Variants in ADK observed in about 807,000 individuals in gnomAD.
ADK encodes the protein adenosine kinase.
In ADK, 24 loss-of-function variants were observed where a neutral mutation model predicts 44.7. The observed-to-expected ratio is 0.54, with a 90% CI of 0.39 to 0.76. The LOEUF (loss-of-function observed/expected upper bound fraction) is 0.76. ADK is among the 30% of genes least tolerant of loss of function. The pLI is 0.00. For missense variants in ADK, 321 were observed against 425.1 expected (o/e 0.76, Z 2.15); for synonymous variants, 128 against 142.6 (o/e 0.90, Z 0.73).
chr10:74,546,553 G>A (rs1849824461), intron 7 of ADK, among the ~76,000 whole-genome samples: 1 of 152,082 alleles, frequency 6.6e-6, no homozygotes, highest in South Asian at 2.1e-4. Context: ...GGTAATGTGA[G>A]TACAGGAAAT....
intron 4 of ADK, among the ~76,000 whole-genome samples, chr10:74,324,670 T>C (rs1840947033): frequency 6.6e-6 from 1 of 152,184 alleles, no homozygotes; most frequent in Non-Finnish European, 1.5e-5. Flanking sequence ...TGATAAACTC[T>C]TAGGTTGATT....
At chr10:74,362,414 A>G (rs566247384) in intron 4 of ADK, among the ~76,000 whole-genome samples, 3 of 151,090 alleles carry the variant, frequency 2.0e-5, no homozygotes, top group Admixed American at 1.3e-4. Context: ...TAAAAAAGTT[A>G]TTTGAGTCTC....
At chr10:74,702,524 T>TTTCTTTCCTTCCTTCC (rs1554900285) in intron 10 of ADK, among the ~76,000 whole-genome samples, 2 of 120,818 alleles carry the variant, frequency 1.7e-5, no homozygotes, top group Non-Finnish European at 3.5e-5. Flanking sequence ...TCCTTCCTTC[T>TTTCTTTCCTTCCTTCC]TTCCTTCCTT....
At chr10:74,683,239 A>G (rs1009429020) in intron 10 of ADK, among the ~76,000 whole-genome samples, 2 of 152,188 alleles carry the variant, frequency 1.3e-5, no homozygotes, top group African/African-American at 4.8e-5. Flanking sequence ...AGGGGTTATG[A>G]GTCCTTGTTT....
intron 6 of ADK, among the ~76,000 whole-genome samples, chr10:74,408,248 C>A (rs1398697798): frequency 6.6e-6 from 1 of 151,820 alleles, no homozygotes; most frequent in Non-Finnish European, 1.5e-5. Context: ...CCGCCTTGGA[C>A]TCCCAATGTG....
chr10:74,618,587 C>A (rs1852864258), intron 9 of ADK, among the ~76,000 whole-genome samples: 1 of 152,178 alleles, frequency 6.6e-6, no homozygotes, highest in African/African-American at 2.4e-5. Flanking sequence ...TCGTGCCCAG[C>A]CTGAATTCTC....
intron 8 of ADK, among the ~76,000 whole-genome samples, chr10:74,595,722 T>C (rs1366815320): frequency 0.13 from 7 of 52 alleles, 1 homozygote; most frequent in South Asian, 0.25. Flanking sequence ...TGGCCGGGTG[T>C]GGTGGCTCCC....
rs540729050 is a variant in ADK at position 74,520,299 on chromosome 10, T to C, written c.556-4957T>C. Among the ~76,000 whole-genome samples the C allele has an allele frequency of 3.3e-5, 5 of 151,970 alleles. No homozygotes were observed. The East Asian group carries it at 9.6e-4, about 29-fold the overall frequency. On this transcript the variant is annotated intron_variant, in intron 6 of 10. Coordinates refer to ENST00000539909, the MANE Select transcript of ADK (RefSeq NM_006721.4). ...CTATTATATTCTGATCAGAATATTG[T>C]TCTCAGTAAAAACAAAGTCTTTTTT...
In ADK at chr10:74,399,840, T is replaced by C. The variant is rs987685480; in HGVS notation, c.555+1261T>C. On this transcript the variant is annotated intron_variant, in intron 6 of 10. Transcript: ENST00000539909. ...TATGAAATAAGACAGTGTATTCTGA[T>C]GAAAAAGTATATTTAACTTGACAAT... Among the ~76,000 whole-genome samples, 6 of 152,094 alleles carry C rather than the reference T, an allele frequency of 3.9e-5. No individual in the cohort carries two copies. In the East Asian group the frequency reaches 1.2e-3, roughly 29 times the overall value.
intron 7 of ADK, among the ~76,000 whole-genome samples, chr10:74,565,738 A>AC (rs1211490442): frequency 2.0e-5 from 3 of 151,534 alleles, no homozygotes; most frequent in Admixed American, 6.6e-5. Context: ...AAAAAAAAAA[A>AC]AAAAAAAAAA....
chr10:74,322,082 T>C (rs1407053885), intron 4 of ADK, among the ~76,000 whole-genome samples: 1 of 152,248 alleles, frequency 6.6e-6, no homozygotes, highest in Non-Finnish European at 1.5e-5. Context: ...AGTTAATCTT[T>C]AAAGTTTTTC....
chr10:74,356,477 C>T (rs931646168), intron 4 of ADK, among the ~76,000 whole-genome samples: 23 of 152,012 alleles, frequency 1.5e-4, no homozygotes, highest in African/African-American at 5.6e-4. Flanking sequence ...ATGAAGTGTT[C>T]TTTTTTCATT....
chr10:74,192,552 T>C (rs1304951861), intron 1 of ADK, among the ~76,000 whole-genome samples: 1 of 144,666 alleles, frequency 6.9e-6, no homozygotes, highest in Non-Finnish European at 1.5e-5. Context: ...CAAACAGATA[T>C]GGTTTTGCTC....
chr10:74,468,390 T>G (rs1246526635), intron 6 of ADK, among the ~76,000 whole-genome samples: 1 of 152,218 alleles, frequency 6.6e-6, no homozygotes, highest in Non-Finnish European at 1.5e-5. Flanking sequence ...CTAGTGATCC[T>G]TTCAGATATG....
chr10:74,542,822 T>A (rs1370548513), intron 7 of ADK, among the ~76,000 whole-genome samples: 3 of 152,126 alleles, frequency 2.0e-5, no homozygotes, highest in Non-Finnish European at 4.4e-5. Flanking sequence ...TTCAATCAAG[T>A]GCATCTTAGA....
chr10:74,685,099 A>G (rs530081531), intron 10 of ADK, among the ~76,000 whole-genome samples: 1 of 152,326 alleles, frequency 6.6e-6, no homozygotes, highest in East Asian at 1.9e-4. Context: ...ATGTCTAGAA[A>G]AACAAATCAC....
At chr10:74,338,182 A>G (rs573741201) in intron 4 of ADK, among the ~76,000 whole-genome samples, 13 of 152,350 alleles carry the variant, frequency 8.5e-5, no homozygotes, top group African/African-American at 3.1e-4. Context: ...CAAGTAAGCC[A>G]TGTAAAATAT....
intron 3 of ADK, among the ~76,000 whole-genome samples, chr10:74,312,739 TA>T (rs1216213934): frequency 2.5e-3 from 335 of 134,760 alleles, no homozygotes; most frequent in Non-Finnish European, 2.9e-3. Flanking sequence ...AGCCTGTCTC[TA>T]AAAAAAAAAA....
chr10:74,330,931 A>G (rs1841195419), intron 4 of ADK, among the ~76,000 whole-genome samples: 2 of 152,226 alleles, frequency 1.3e-5, no homozygotes, highest in South Asian at 2.1e-4. Flanking sequence ...TGAAGCAACA[A>G]TGACTATTAA....
Sources: gnomAD v4.1 joint callset for allele counts (sites outside exome capture counted in the v4.1 genomes callset) on GRCh38, gnomAD v4.1.1 for gene constraint, MANE v1.5 for transcripts, NCBI Gene and HGNC (gene_info 2026-07-23, HGNC 2026-07-21) for gene names.